Variants in PLXDC2 observed in about 807,000 individuals in gnomAD.
The protein encoded by PLXDC2 is plexin domain containing 2, also known as plexin domain-containing protein 2.
In PLXDC2, 40 loss-of-function variants were observed where a neutral mutation model predicts 68.9. The ratio of observed to expected loss-of-function variants is 0.58; its 90% CI spans 0.45 to 0.76. The LOEUF (loss-of-function observed/expected upper bound fraction) is 0.76. Ranked by LOEUF, PLXDC2 falls within the 30% of genes least tolerant of loss-of-function variation. The probability of loss-of-function intolerance (pLI) is 0.00; values close to 1 mark genes in which losing one functional copy is unlikely to be tolerated. For missense variants in PLXDC2, 644 were observed against 661.9 expected (o/e 0.97, Z 0.30); for synonymous variants, 243 against 234.2 (o/e 1.04, Z -0.34).
At chr10:20,169,749 C>T (rs1012719253) in intron 7 of PLXDC2, among the ~76,000 whole-genome samples, 1 of 152,140 alleles carries the variant, frequency 6.6e-6, no homozygotes, top group Non-Finnish European at 1.5e-5. Flanking sequence ...TAAGGCCATG[C>T]CACTTAAGTA....
chr10:19,998,908 G>C (rs1834883677), intron 1 of PLXDC2, among the ~76,000 whole-genome samples: 1 of 152,120 alleles, frequency 6.6e-6, no homozygotes, highest in African/African-American at 2.4e-5. Flanking sequence ...TAAATTTACT[G>C]TTTCCTAATA....
intron 10 of PLXDC2, among the ~76,000 whole-genome samples, chr10:20,212,976 T>C (rs905212813): frequency 2.6e-5 from 4 of 152,306 alleles, no homozygotes; most frequent in African/African-American, 7.2e-5. Flanking sequence ...TTCAGATGTA[T>C]ATTTTTTCTC....
intron 1 of PLXDC2, among the ~76,000 whole-genome samples, chr10:19,829,279 C>A (rs1020024560): frequency 1.0e-4 from 15 of 150,554 alleles, no homozygotes; most frequent in African/African-American, 3.7e-4. Context: ...TATAAACTGC[C>A]TTCTGTGACT....
chr10:19,817,324 C>A, intron 1 of PLXDC2, 133 bp downstream of exon 1: 1 of 754,700 alleles, frequency 1.3e-6, no homozygotes, highest in Non-Finnish European at 2.2e-6. Context: ...TGCTTTTCGG[C>A]TAAACTTAGG....
At chr10:19,912,248 A>G (rs928854814) in intron 1 of PLXDC2, among the ~76,000 whole-genome samples, 4 of 152,206 alleles carry the variant, frequency 2.6e-5, no homozygotes, top group African/African-American at 9.6e-5. Context: ...TGATATTTTA[A>G]AAAGAAATAC....
intron 2 of PLXDC2, among the ~76,000 whole-genome samples, chr10:20,027,070 T>C (rs1156644582): frequency 7.1e-6 from 1 of 141,058 alleles, no homozygotes; most frequent in Non-Finnish European, 1.5e-5. Flanking sequence ...TACACTTTTA[T>C]AATATATTCT....
At chr10:20,176,596 G>C (rs1440703321) in intron 7 of PLXDC2, among the ~76,000 whole-genome samples, 3 of 152,042 alleles carry the variant, frequency 2.0e-5, no homozygotes, top group African/African-American at 7.2e-5. Flanking sequence ...TTTATTTAGA[G>C]TGTGAAACAT....
intron 7 of PLXDC2, among the ~76,000 whole-genome samples, chr10:20,166,765 G>A (rs111418131): frequency 0.047 from 7,117 of 152,072 alleles, 229 homozygotes; most frequent in African/African-American, 0.083. Context: ...TAATATGCAA[G>A]TATTATGTTG....
At chr10:19,995,160 C>T (rs1404968731) in intron 1 of PLXDC2, among the ~76,000 whole-genome samples, 1 of 152,152 alleles carries the variant, frequency 6.6e-6, no homozygotes, top group African/African-American at 2.4e-5. Context: ...ATCTCTGTAT[C>T]AGTGGTCCCC....
At chr10:20,157,964 C>T (rs115058095) in intron 6 of PLXDC2, among the ~76,000 whole-genome samples, 218 of 151,982 alleles carry the variant, frequency 1.4e-3, no homozygotes, top group African/African-American at 4.9e-3. Flanking sequence ...CAGAAATGTG[C>T]GATTCAATAC....
chr10:19,817,756 A>T (rs1836382721), intron 1 of PLXDC2, among the ~76,000 whole-genome samples: 2 of 152,164 alleles, frequency 1.3e-5, no homozygotes, highest in African/African-American at 2.4e-5. Flanking sequence ...GCCGGCGCAG[A>T]GGTGGGGAGC....
intron 1 of PLXDC2, among the ~76,000 whole-genome samples, chr10:19,971,685 T>G (rs2131612060): frequency 6.6e-6 from 1 of 152,322 alleles, no homozygotes; most frequent in African/African-American, 2.4e-5. Flanking sequence ...CTGCTTATCA[T>G]GTGTTTTTTC....
intron 5 of PLXDC2, among the ~76,000 whole-genome samples, chr10:20,146,583 G>C (rs957751918): frequency 1.5e-5 from 2 of 135,700 alleles, no homozygotes; most frequent in Middle Eastern, 8.0e-3. Flanking sequence ...GTGGAAGGAA[G>C]AGACCTGAGT....
intron 12 of PLXDC2, among the ~76,000 whole-genome samples, chr10:20,243,531 TA>T (rs1300482765): frequency 6.6e-6 from 1 of 151,980 alleles, no homozygotes; most frequent in African/African-American, 2.4e-5. Context: ...ACAACAGCAA[TA>T]AAAACGTAGA....
chr10:20,012,074 T>C (rs2131644967), intron 2 of PLXDC2, among the ~76,000 whole-genome samples: 1 of 152,290 alleles, frequency 6.6e-6, no homozygotes, highest in South Asian at 2.1e-4. Flanking sequence ...TATTGTGACT[T>C]AGATGGAAAC....
intron 4 of PLXDC2, among the ~76,000 whole-genome samples, chr10:20,126,126 ATGTT>A (rs1833771642): frequency 6.8e-6 from 1 of 147,412 alleles, no homozygotes; most frequent in Non-Finnish European, 1.5e-5. Flanking sequence ...TATATAATAT[ATGTT>A]ATATATGTGT....
intron 13 of PLXDC2, among the ~76,000 whole-genome samples, chr10:20,260,808 C>G (rs1371182712): frequency 6.6e-6 from 1 of 152,136 alleles, no homozygotes; most frequent in Admixed American, 6.5e-5. Flanking sequence ...TTACATTTCC[C>G]CCAACAATGT....
At chr10:20,221,209 T>A (rs1835207809) in intron 12 of PLXDC2, among the ~76,000 whole-genome samples, 1 of 152,162 alleles carries the variant, frequency 6.6e-6, no homozygotes, top group Admixed American at 6.5e-5. Flanking sequence ...GATAAAGAGT[T>A]TTCTAGAACA....
chr10:19,943,101 C>T (rs1833844065), intron 1 of PLXDC2, among the ~76,000 whole-genome samples: 1 of 152,322 alleles, frequency 6.6e-6, no homozygotes, highest in East Asian at 1.9e-4. Context: ...TCCTTATACA[C>T]TTGCCATTAG....
Sources: gnomAD v4.1 joint callset for allele counts (sites outside exome capture counted in the v4.1 genomes callset) on GRCh38, gnomAD v4.1.1 for gene constraint, MANE v1.5 for transcripts, NCBI Gene and HGNC (gene_info 2026-07-23, HGNC 2026-07-21) for gene names.